Variants in CNBD1 observed in about 807,000 individuals in gnomAD.
CNBD1 encodes the protein cyclic nucleotide-binding domain-containing protein 1.
CNBD1 carries 71 observed loss-of-function variants against 54.4 expected under a neutral mutation model. The ratio of observed to expected loss-of-function variants is 1.30; its 90% CI spans 1.08 to 1.59. The LOEUF is 1.59. Ranked by LOEUF, CNBD1 falls within the 40% of genes most tolerant of loss-of-function variation. The pLI is 0.00. For synonymous variants in CNBD1, 182 were observed against 170.7 expected (o/e 1.07, Z -0.51); for missense variants, 659 against 518.0 (o/e 1.27, Z -2.64).
At chr8:87,347,018 T>C (rs958415441) in intron 8 of CNBD1, among the ~76,000 whole-genome samples, 7 of 152,160 alleles carry the variant, frequency 4.6e-5, no homozygotes, top group Non-Finnish European at 7.3e-5. Context: ...TGAGGTGGGC[T>C]TTTTCCACTT....
chr8:87,362,424 G>T (rs76043961), intron 10 of CNBD1, among the ~76,000 whole-genome samples: 2,846 of 152,168 alleles, frequency 0.019, 88 homozygotes, highest in African/African-American at 0.062. Context: ...CCAACAGACA[G>T]TCCAAGGCAA....
chr8:86,909,347 A>G (rs1389339133), intron 3 of CNBD1, among the ~76,000 whole-genome samples: 3 of 152,226 alleles, frequency 2.0e-5, no homozygotes, highest in Admixed American at 1.3e-4. Flanking sequence ...CACAAAAATT[A>G]TAACTTCACT....
chr8:87,288,151 G>C (rs769807675), intron 8 of CNBD1, among the ~76,000 whole-genome samples: 3 of 152,006 alleles, frequency 2.0e-5, no homozygotes, highest in Non-Finnish European at 2.9e-5. Flanking sequence ...TACCTGTAAT[G>C]ATGATGCCTT....
At chr8:87,228,106 A>G (rs1814552912) in intron 5 of CNBD1, among the ~76,000 whole-genome samples, 1 of 151,086 alleles carries the variant, frequency 6.6e-6, no homozygotes, top group South Asian at 2.1e-4. Context: ...TCCTTTAAGC[A>G]CTTCTCTGTA....
rs1378251170 is a variant in CNBD1, at chr8:87,286,553, T to C, written c.924T>C (p.Leu308=). 6.2e-6 allele frequency: 9 copies of C among 1,441,680 alleles called. No individual in the cohort carries two copies. Among genetic ancestry groups the C allele is most frequent in the Admixed American group, 2.1e-5 (1 of 48,036 alleles). 89.3% of individuals were successfully genotyped at this position (1,441,680 alleles called of 1,614,324 possible). ...YAKIKEEKIK[L]ENMQKLKLIR... is the part of the protein sequence containing the mutation. ...TTCTGTTTTAGGAAAAAATAAAACT[T>C]GAAAATATGCAAAAGTTGAAATTAA... The change falls in exon 8 of 11, where the codon CTT becomes CTC. Residue 308 remains leucine, a synonymous_variant. Coordinates refer to ENST00000518476, the MANE Select transcript of CNBD1 (RefSeq NM_173538.3).
intron 4 of CNBD1, among the ~76,000 whole-genome samples, chr8:87,158,210 A>G (rs1023141924): frequency 6.6e-6 from 1 of 152,114 alleles, no homozygotes; most frequent in African/African-American, 2.4e-5. Context: ...CCTAGCAGCT[A>G]TGACTTTTGC....
chr8:87,213,131 A>G (rs781567043), intron 5 of CNBD1, among the ~76,000 whole-genome samples: 25 of 152,214 alleles, frequency 1.6e-4, no homozygotes, highest in Admixed American at 4.6e-4. Context: ...AAGCAATTCC[A>G]AATAAAAATT....
rs540954494 is a variant in CNBD1 at position 87,419,413 on chromosome 8, A to T, written c.214-9133A>T. ...GTATGAATACACTGAAAACCACTAA[A>T]CTGTACTGTTTAAAGGCGTGAATTT... On this transcript the variant is annotated intron_variant, in intron 2 of 7. Coordinates refer to the CNBD1 transcript ENST00000521593. 4.6e-5 allele frequency among the ~76,000 whole-genome samples: 7 copies of T among 152,038 alleles called. No homozygotes were observed. In the East Asian group the frequency reaches 1.4e-3, roughly 29 times the overall value.
chr8:86,913,559 C>A (rs910624208), intron 3 of CNBD1, among the ~76,000 whole-genome samples: 1 of 152,010 alleles, frequency 6.6e-6, no homozygotes, highest in Non-Finnish European at 1.5e-5. Context: ...TCTGTGATGC[C>A]CCCTGAGCCA....
At chr8:87,072,943 C>T (rs1810789231) in intron 4 of CNBD1, among the ~76,000 whole-genome samples, 1 of 152,130 alleles carries the variant, frequency 6.6e-6, no homozygotes, top group South Asian at 2.1e-4. Flanking sequence ...TTCAGGCACC[C>T]CAATCTGTCA....
At chr8:87,423,896 C>T (rs1403561391) in intron 2 of CNBD1, among the ~76,000 whole-genome samples, 1 of 152,188 alleles carries the variant, frequency 6.6e-6, no homozygotes, top group Non-Finnish European at 1.5e-5. Context: ...GCTGTGAAGC[C>T]ATCTAGTCCT....
intron 4 of CNBD1, among the ~76,000 whole-genome samples, chr8:86,987,476 GT>G (rs1434751868): frequency 6.6e-6 from 1 of 152,014 alleles, no homozygotes; most frequent in Non-Finnish European, 1.5e-5. Context: ...TTCCTTTCCT[GT>G]TTAGGTGCAT....
intron 4 of CNBD1, among the ~76,000 whole-genome samples, chr8:87,107,021 G>C (rs4357308): frequency 6.6e-6 from 1 of 151,724 alleles, no homozygotes; most frequent in Admixed American, 6.6e-5. Flanking sequence ...GTAGAGATGG[G>C]GCTTCACCAT....
At chr8:87,393,753 C>A (rs1811356736) in intron 2 of CNBD1, among the ~76,000 whole-genome samples, 1 of 151,842 alleles carries the variant, frequency 6.6e-6, no homozygotes, top group South Asian at 2.1e-4. Flanking sequence ...CCACCCTGAA[C>A]AGGCACAGTC....
intron 8 of CNBD1, among the ~76,000 whole-genome samples, chr8:87,331,776 C>T (rs1809837643): frequency 6.6e-6 from 1 of 152,154 alleles, no homozygotes; most frequent in Non-Finnish European, 1.5e-5. Context: ...GAAGTGGTAT[C>T]TCACTGTGGT....
chr8:86,993,269 A>G (rs962233573), intron 4 of CNBD1, among the ~76,000 whole-genome samples: 2 of 151,480 alleles, frequency 1.3e-5, no homozygotes, highest in African/African-American at 2.4e-5. Context: ...TGCTGAATAC[A>G]TTATGAACAT....
chr8:87,278,338 G>A (rs1199347408), intron 6 of CNBD1, among the ~76,000 whole-genome samples: 1 of 151,382 alleles, frequency 6.6e-6, no homozygotes, highest in Admixed American at 6.6e-5. Flanking sequence ...ACAGATTTAA[G>A]TTGCTGTATG....
At chr8:87,423,167 G>T (rs547909036) in intron 2 of CNBD1, among the ~76,000 whole-genome samples, 26 of 152,300 alleles carry the variant, frequency 1.7e-4, no homozygotes, top group Admixed American at 2.0e-4. Context: ...GCTTTAAGGA[G>T]ATTTTGGGCT....
chr8:87,422,746 T>G (rs1451421358), intron 2 of CNBD1, among the ~76,000 whole-genome samples: 4 of 152,294 alleles, frequency 2.6e-5, no homozygotes, highest in African/African-American at 7.2e-5. Context: ...AGGATTGACT[T>G]GACGATGCGG....
Sources: gnomAD v4.1 joint callset for allele counts (sites outside exome capture counted in the v4.1 genomes callset) on GRCh38, gnomAD v4.1.1 for gene constraint, MANE v1.5 for transcripts, NCBI Gene and HGNC (gene_info 2026-07-23, HGNC 2026-07-21) for gene names.